The following GRPEL1 variants were observed in gnomAD, a reference collection of about 807,000 sequenced individuals.
GRPEL1 encodes GrpE like 1, mitochondrial, also known as grpE protein homolog 1, mitochondrial.
Under a neutral mutation model 22.1 loss-of-function variants are expected in GRPEL1, and 13 were observed. The observed-to-expected ratio is 0.59, with a 90% CI of 0.38 to 0.94. GRPEL1 has a LOEUF of 0.94. GRPEL1 is among the 40% of genes least tolerant of loss of function. The pLI is 0.00. For missense variants in GRPEL1, 289 were observed against 264.6 expected (o/e 1.09, Z -0.64); for synonymous variants, 109 against 105.3 (o/e 1.03, Z -0.21).
intron 2 of GRPEL1, 46 bp from the exon 3 acceptor site, chr4:7,062,512 A>ATATC (rs755702394): frequency 2.8e-5 from 8 of 286,826 alleles, no homozygotes; most frequent in Admixed American, 1.2e-4. Flanking sequence ...ATATATATAT[A>ATATC]TATCTTTTTT....
At position 7,065,242 on chromosome 4, in the gene GRPEL1, C is replaced by T. The variant is rs539283100; in HGVS notation, c.63-1019G>A. 3.3e-4 allele frequency among the ~76,000 whole-genome samples: 51 copies of T among 152,294 alleles called. 1 individual carries two copies. The highest frequency in any genetic ancestry group is 1.1e-3 in the African/African-American group (46 of 41,568). ...GATTTAAAAGTGATTAAGACAGGTTCGCTGGCTCACGCCAGTAATCCCAGC... is the reference window on the plus strand; with the variant it reads ...GATTTAAAAGTGATTAAGACAGGTTTGCTGGCTCACGCCAGTAATCCCAGC... On this transcript the variant is annotated intron_variant, in intron 1 of 3. Transcript: ENST00000264954.
At position 7,060,614 on chromosome 4, in the gene GRPEL1, C is replaced by T. The variant is rs1724017441; in HGVS notation, c.*248G>A. On this transcript the variant is annotated 3_prime_UTR_variant, in exon 4 of 4. Transcript: ENST00000264954. Reference sequence around the variant, plus strand: ...TACTCATGATGCTCGGGAGACCAGGCAGGGCCCTGCTGAGCTCTTCTGAAA... The same window carrying T: ...TACTCATGATGCTCGGGAGACCAGGTAGGGCCCTGCTGAGCTCTTCTGAAA... The T allele has an allele frequency of 5.2e-5, 27 of 519,760 alleles. No individual in the cohort carries two copies. In the South Asian group the frequency reaches 7.1e-4, roughly 14 times the overall value. The allele number at this position is 519,760 out of a possible 1,614,324, so 32.2% of individuals were successfully genotyped here.
rs1724032621 is a variant in GRPEL1 at position 7,061,147 on chromosome 4, C to T, written c.369G>A (p.Gln123=). 1 of 1,614,152 alleles carries T rather than the reference C, an allele frequency of 6.2e-7. No individual in the cohort carries two copies. The change falls in exon 4 of 4, where the codon CAG becomes CAA. Residue 123 remains glutamine (Q), a synonymous_variant. Coordinates refer to ENST00000264954, the MANE Select transcript of GRPEL1 (RefSeq NM_025196.4). ...CTTTAATTTCTTCTTTTGGAACACA[C>T]TGTGTTGCCTTCTCCAGAACGTCTG... The part of the protein sequence containing the change: ...EVADVLEKAT[Q]CVPKEEIKDD...
intron 1 of GRPEL1, among the ~76,000 whole-genome samples, chr4:7,067,148 T>G (rs147841883): frequency 2.8e-4 from 42 of 152,352 alleles, no homozygotes; most frequent in African/African-American, 1.0e-3. Flanking sequence ...AATTTGGCCC[T>G]CAGTGGCTTC....
intron 1 of GRPEL1, among the ~76,000 whole-genome samples, chr4:7,065,514 CAAA>C (rs1162770768): frequency 1.1e-5 from 1 of 92,112 alleles, no homozygotes; most frequent in Non-Finnish European, 2.3e-5. Flanking sequence ...AACTCTGTCT[CAAA>C]AAAAAAAAAA....
chr4:7,061,240 C>G, intron 3 of GRPEL1, 32 bp from the exon 4 acceptor site: 18 of 1,552,252 alleles, frequency 1.2e-5, no homozygotes, highest in Non-Finnish European at 1.5e-5. Context: ...CATTTGCACT[C>G]CATACCAACC....
At chr4:7,067,537 C>T (rs1390257457) in intron 1 of GRPEL1, 1 of 203,360 alleles carries the variant, frequency 4.9e-6, no homozygotes, top group African/African-American at 2.4e-5. Context: ...CACACCCGGC[C>T]CGGCTCGGCC....
At position 7,064,208 on chromosome 4, in the gene GRPEL1, C is replaced by T. The variant is rs1220307820; in HGVS notation, c.78G>A (p.Leu26=). ...LALSLRPSPR[L]LCTATKQKNS... ...TCTTTTGTTTCGTGGCTGTGCACAA[C>T]AACCGGGGAGATGGCCTACAGGGAA... The change falls in exon 2 of 4, where the codon TTG becomes TTA. Residue 26 remains leucine (L), a synonymous_variant. Transcript: ENST00000264954. 2 of 1,613,000 alleles carry T rather than the reference C, an allele frequency of 1.2e-6. No homozygotes were observed. The highest frequency in any genetic ancestry group is 2.2e-5 in the East Asian group (1 of 44,822).
intron 1 of GRPEL1, among the ~76,000 whole-genome samples, chr4:7,067,018 T>A (rs1320914168): frequency 6.6e-6 from 1 of 152,222 alleles, no homozygotes; most frequent in East Asian, 1.9e-4. Context: ...CCTGTGTTGT[T>A]AAGATATAAT....
At position 7,061,143 on chromosome 4, in the gene GRPEL1, C is replaced by T; in HGVS notation, c.373G>A (p.Val125Ile). ...TCGTCTTTAATTTCTTCTTTTGGAACACACTGTGTTGCCTTCTCCAGAACG... is the reference window on the plus strand; with the variant it reads ...TCGTCTTTAATTTCTTCTTTTGGAATACACTGTGTTGCCTTCTCCAGAACG... ...ADVLEKATQC[V>I]PKEEIKDDNP... Residue 125 changes from valine to isoleucine, a missense_variant, in exon 4 of 4, where the codon GTT becomes ATT. Physicochemically the swap from Val to Ile is conservative, Grantham distance 29 (BLOSUM62 3). Coordinates refer to ENST00000264954, the MANE Select transcript of GRPEL1 (RefSeq NM_025196.4). 1 of 1,614,220 alleles carries T rather than the reference C, an allele frequency of 6.2e-7. No individual in the cohort carries two copies. Among genetic ancestry groups the T allele is most frequent in the Non-Finnish European group, 8.5e-7 (1 of 1,180,046 alleles).
chr4:7,063,049 A>G (rs1040372594), intron 2 of GRPEL1, among the ~76,000 whole-genome samples: 2 of 151,040 alleles, frequency 1.3e-5, no homozygotes, highest in Admixed American at 1.3e-4. Flanking sequence ...GAGTTCTAGT[A>G]TATTCCTCAT....
chr4:7,063,096 C>CTT (rs767635624), intron 2 of GRPEL1, among the ~76,000 whole-genome samples: 5 of 142,042 alleles, frequency 3.5e-5, no homozygotes, highest in African/African-American at 5.1e-5. Flanking sequence ...TCATCTGAGC[C>CTT]TTTTTTTTTT....
intron 1 of GRPEL1, among the ~76,000 whole-genome samples, chr4:7,066,028 G>T (rs930495689): frequency 6.6e-6 from 1 of 152,026 alleles, no homozygotes; most frequent in Admixed American, 6.6e-5. Flanking sequence ...TAATTTTTTT[G>T]TATTTTTTTA....
chr4:7,064,020 T>G, intron 2 of GRPEL1, 41 bp downstream of exon 2: 1 of 1,595,740 alleles, frequency 6.3e-7, no homozygotes, highest in South Asian at 1.1e-5. Context: ...AGAGAAACAG[T>G]TCAGCCGAGC....
In GRPEL1 at chr4:7,068,018, G is replaced by C. The variant is rs1424067098; in HGVS notation, c.15C>G (p.Cys5Trp). The part of the protein sequence containing the change: MAAQ[C>W]VRLARRSLPA... The stretch of plus-strand genomic sequence containing the variant: ...GAAGACTGCGCCGCGCCAACCTCAC[G>C]CACTGAGCCGCCATGACTGCCACTG... Residue 5 changes from cysteine (C) to tryptophan (W), a missense_variant, in exon 1 of 4, where the codon TGC (cysteine) becomes TGG (tryptophan). Physicochemically the swap from Cys to Trp is radical, Grantham distance 215. Coordinates refer to ENST00000264954, the MANE Select transcript of GRPEL1 (RefSeq NM_025196.4). 4 of 1,612,404 alleles carry C rather than the reference G, an allele frequency of 2.5e-6. No homozygotes were observed. The East Asian group carries it at 6.7e-5, about 27-fold the overall frequency.
In GRPEL1 at chr4:7,059,176, A is replaced by AC. The variant is rs1233996395; in HGVS notation, c.*1685dup. 1.3e-5 allele frequency: 2 copies of AC among 151,932 alleles called. No individual in the cohort carries two copies. Among genetic ancestry groups the AC allele is most frequent in the Non-Finnish European group, 2.9e-5 (2 of 68,010 alleles). 9.4% of individuals were successfully genotyped at this position (151,932 alleles called of 1,614,324 possible). A position where few individuals can be genotyped will look rare whatever the true frequency, so the allele number is the denominator to read the frequency against. On this transcript the variant is annotated 3_prime_UTR_variant, in exon 4 of 4. Coordinates refer to ENST00000264954, the MANE Select transcript of GRPEL1 (RefSeq NM_025196.4). ...CTTGACTATATTCCAAAATCCGAAA[A>AC]CCCCCCAAGTTTGAAACAATTCTGG...
intron 1 of GRPEL1, among the ~76,000 whole-genome samples, chr4:7,065,028 T>C (rs1252186152): frequency 2.0e-5 from 3 of 152,178 alleles, no homozygotes; most frequent in Non-Finnish European, 2.9e-5. Context: ...CAGTACTTGG[T>C]ACAGAACAGT....
At chr4:7,061,473 C>T (rs1724039999) in intron 3 of GRPEL1, 3 of 393,976 alleles carry the variant, frequency 7.6e-6, no homozygotes, top group Admixed American at 8.7e-5. Flanking sequence ...CTTGAGACAT[C>T]CAAGCCCAGA....
intron 1 of GRPEL1, among the ~76,000 whole-genome samples, chr4:7,065,165 A>G (rs766386560): frequency 2.6e-5 from 4 of 152,214 alleles, no homozygotes; most frequent in Non-Finnish European, 5.9e-5. Context: ...AGATAGACCC[A>G]GCAGAGATCT....
Sources: gnomAD v4.1 joint callset for allele counts (sites outside exome capture counted in the v4.1 genomes callset) on GRCh38, gnomAD v4.1.1 for gene constraint, MANE v1.5 for transcripts, NCBI Gene and HGNC (gene_info 2026-07-23, HGNC 2026-07-21) for gene names.